The following ARMH1 variants were observed in gnomAD, a reference collection of about 807,000 sequenced individuals.
ARMH1 encodes armadillo-like helical domain containing protein 1.
A neutral mutation model predicts 50.2 loss-of-function variants in ARMH1; 34 were observed. The observed-to-expected ratio is 0.68, with a 90% CI of 0.51 to 0.90. The LOEUF (loss-of-function observed/expected upper bound fraction) is 0.90. Among genes scored for constraint, ARMH1 ranks in the 40% least tolerant of loss-of-function variants. The pLI is 0.00. For missense variants in ARMH1, 538 were observed against 553.9 expected, an observed-to-expected ratio of 0.97 and a Z score of 0.29; for synonymous variants, 221 against 224.2, an observed-to-expected ratio of 0.99 and a Z score of 0.13.
chr1:44,682,322 G>A lies in ARMH1; in HGVS notation c.-22-7354G>A, dbSNP rs775891424. Among the ~76,000 whole-genome samples the A allele has an allele frequency of 4.9e-4, 75 of 152,212 alleles. No homozygotes were observed. The highest frequency in any genetic ancestry group is 2.9e-3 in the South Asian group (14 of 4,822). ...GGCTTACGTGTCAAAGTCATTGATC[G>A]GCACTGCGGCAAGGTAGAGAGGGAA... On this transcript the variant is annotated intron_variant, in intron 1 of 11. Coordinates refer to ENST00000535358, the MANE Select transcript of ARMH1 (RefSeq NM_001145636.2). The surrounding 1 kb of genome is among the most constrained non-coding windows in gnomAD (Gnocchi z 4.5).
intron 6 of ARMH1, among the ~76,000 whole-genome samples, chr1:44,711,301 AT>A (rs1451442886): frequency 6.6e-6 from 1 of 152,232 alleles, no homozygotes; most frequent in Admixed American, 6.5e-5. Context: ...ACCATTTTAC[AT>A]TCCCAGTAGC....
intron 5 of ARMH1, 110 bp downstream of exon 5, chr1:44,701,229 A>T (rs896431655): frequency 9.4e-7 from 1 of 1,065,304 alleles, no homozygotes; most frequent in African/African-American, 1.6e-5. Flanking sequence ...TCAGCCTCCC[A>T]CTGCATGTCT....
Position 44,724,320 on chromosome 1 carries a change from A to AC in ARMH1, c.852dup (p.Ser285LeufsTer96), listed in dbSNP as rs1254284071. ...TGCCTCACGGCTGCCCCCTCCTCAG[A>AC]CCCCTCGGTTCTCCAGCTCACCCCC... On this transcript the variant is annotated frameshift_variant and splice_region_variant, in exon 8 of 12. Coordinates refer to ENST00000535358, the MANE Select transcript of ARMH1 (RefSeq NM_001145636.2). LOFTEE classifies it high-confidence loss of function. This position sits in a 1 kb window ranked among gnomAD's most constrained non-coding sequence, Gnocchi z 6.4. 13 of 1,550,626 alleles carry AC rather than the reference A, an allele frequency of 8.4e-6. No homozygotes were observed. Among genetic ancestry groups the AC allele is most frequent in the African/African-American group, 1.4e-5 (1 of 72,820 alleles).
At chr1:44,723,281 T>G (rs1573521323) in intron 6 of ARMH1, among the ~76,000 whole-genome samples, 1 of 152,252 alleles carries the variant, frequency 6.6e-6, no homozygotes, top group South Asian at 2.1e-4. Flanking sequence ...TTGTGCACGC[T>G]TAAGGAGGGT....
At chr1:44,721,855 T>C (rs773941302) in intron 6 of ARMH1, 4 of 152,218 alleles carry the variant, frequency 2.6e-5, no homozygotes, top group Non-Finnish European at 5.9e-5. Context: ...ACGGAAATCT[T>C]TAGTAAAAGG....
intron 6 of ARMH1, among the ~76,000 whole-genome samples, chr1:44,717,242 T>C (rs1473441272): frequency 6.6e-6 from 1 of 152,190 alleles, no homozygotes; most frequent in African/African-American, 2.4e-5. Flanking sequence ...ATGAGAAAAA[T>C]GCCTGCTGTA....
At chr1:44,676,950 C>A (rs1645160051) in intron 1 of ARMH1, among the ~76,000 whole-genome samples, 1 of 152,052 alleles carries the variant, frequency 6.6e-6, no homozygotes, top group South Asian at 2.1e-4. Context: ...AAAGACTTCA[C>A]CAAAGTGTTG....
chr1:44,699,629 T>TAACCC, intron 4 of ARMH1, among the ~76,000 whole-genome samples: 1 of 151,956 alleles, frequency 6.6e-6, no homozygotes, highest in Non-Finnish European at 1.5e-5. Flanking sequence ...TTTGTTATTT[T>TAACCC]TAGTAGAGAC....
intron 1 of ARMH1, among the ~76,000 whole-genome samples, chr1:44,685,320 T>C (rs1391925933): frequency 1.3e-5 from 2 of 152,022 alleles, no homozygotes; most frequent in East Asian, 1.9e-4. Context: ...AGCTTTTTTT[T>C]TTTTTCGAGA....
intron 1 of ARMH1, among the ~76,000 whole-genome samples, chr1:44,676,732 A>C (rs181551972): frequency 1.3e-5 from 2 of 152,300 alleles, no homozygotes; most frequent in African/African-American, 2.4e-5. Context: ...CAGTGGTTTG[A>C]GAAGCAGATG....
rs1646227511 is a variant in ARMH1 at position 44,704,109 on chromosome 1, C to A, written c.660C>A (p.His220Gln). The change falls in exon 6 of 12, where the codon CAC becomes CAA. Residue 220 changes from histidine to glutamine, a missense_variant. Transcript: ENST00000535358. The stretch of plus-strand genomic sequence containing the variant: ...GTCAGCCAATCATTGGGACCACACA[C>A]CCCAGCATCGTGGACTGCGTGCTGA... Reference protein sequence around the residue: ...RTAQPIIGTTHPSIVDCVLKV... With the variant: ...RTAQPIIGTTQPSIVDCVLKV... 3 of 1,550,892 alleles carry A rather than the reference C, an allele frequency of 1.9e-6. No individual in the cohort carries two copies. The highest frequency in any genetic ancestry group is 1.7e-4 in the Middle Eastern group (1 of 6,010).
intron 6 of ARMH1, among the ~76,000 whole-genome samples, chr1:44,720,518 G>A (rs1053271719): frequency 3.3e-4 from 51 of 152,324 alleles, no homozygotes; most frequent in African/African-American, 1.2e-3. Context: ...GAAGTGAGAT[G>A]TGTCAGATAT....
intron 5 of ARMH1, among the ~76,000 whole-genome samples, chr1:44,701,824 G>A (rs1344043033): frequency 6.6e-6 from 1 of 151,948 alleles, no homozygotes; most frequent in Admixed American, 6.6e-5. Context: ...AGCTACTTGG[G>A]AGGCTGAGTT....
intron 6 of ARMH1, among the ~76,000 whole-genome samples, chr1:44,704,677 A>T (rs2148681887): frequency 6.6e-6 from 1 of 151,634 alleles, no homozygotes; most frequent in African/African-American, 2.4e-5. Context: ...ACATCCATCT[A>T]ACTTTTTAAT....
chr1:44,723,066 C>A lies in ARMH1; in HGVS notation c.725-1056C>A, dbSNP rs571445638. Among the ~76,000 whole-genome samples the A allele has an allele frequency of 2.6e-3, 386 of 145,836 alleles. 9 individuals carry two copies. Among genetic ancestry groups the A allele is most frequent in the South Asian group, 1.5e-3 (7 of 4,590 alleles). ...CTCCAGCCTGGGCGACAGAGTGAGG[C>A]TCTGTCTCAAAAAAAAAAAAAAGGT... On this transcript the variant is annotated intron_variant, in intron 6 of 11. Transcript: ENST00000535358.
intron 6 of ARMH1, chr1:44,721,827 T>TCATAG (rs1647218963): frequency 6.6e-6 from 1 of 152,214 alleles, no homozygotes; most frequent in East Asian, 1.9e-4. Flanking sequence ...AACCATAAAC[T>TCATAG]CATAGTTGTT....
chr1:44,702,654 G>A (rs984336135), intron 5 of ARMH1, among the ~76,000 whole-genome samples: 6 of 144,482 alleles, frequency 4.2e-5, no homozygotes, highest in African/African-American at 1.3e-4. Flanking sequence ...GGAGGTTGCA[G>A]TGAGCCAAGA....
intron 5 of ARMH1, among the ~76,000 whole-genome samples, chr1:44,702,483 G>A (rs1295343419): frequency 7.2e-5 from 11 of 152,066 alleles, no homozygotes; most frequent in African/African-American, 2.4e-4. Context: ...GGAGGCCGAG[G>A]TGGGTGGATC....
At chr1:44,692,680 C>T (rs1266203807) in intron 2 of ARMH1, among the ~76,000 whole-genome samples, 4 of 152,020 alleles carry the variant, frequency 2.6e-5, no homozygotes, top group Non-Finnish European at 5.9e-5. Flanking sequence ...GTAACACAGG[C>T]CAAAGGGAAT....
Sources: gnomAD v4.1 joint callset for allele counts (sites outside exome capture counted in the v4.1 genomes callset) on GRCh38, gnomAD v4.1.1 for gene constraint, Gnocchi (gnomAD v3.1) non-coding constraint, MANE v1.5 for transcripts, NCBI Gene and HGNC (gene_info 2026-07-23, HGNC 2026-07-21) for gene names.